Variants in SOX17 observed in about 807,000 individuals in gnomAD.
SOX17 encodes transcription factor SOX-17.
SOX17 carries 4 observed loss-of-function variants against 16.0 expected under a neutral mutation model. The ratio of observed to expected loss-of-function variants is 0.25; its 90% CI spans 0.12 to 0.57. The LOEUF is 0.57. SOX17 is among the 20% of genes least tolerant of loss of function. SOX17 has a pLI of 0.92. For missense variants in SOX17, 633 were observed against 609.7 expected (o/e 1.04, Z -0.40); for synonymous variants, 357 against 284.6 (o/e 1.25, Z -2.56).
At chr8:54,458,552 G>C in intron 1 of SOX17, 107 bp downstream of exon 1, 2 of 1,382,910 alleles carry the variant, frequency 1.4e-6, no homozygotes, top group Non-Finnish European at 2.0e-6. Flanking sequence ...CCAAAACCAG[G>C]GGTGTGTAGC....
Position 54,460,136 on chromosome 8 carries a change from G to T in SOX17, c.*141G>T, listed in dbSNP as rs1804718789. On this transcript the variant is annotated 3_prime_UTR_variant, in exon 2 of 2. Coordinates refer to ENST00000297316, the MANE Select transcript of SOX17 (RefSeq NM_022454.4). ...AAGGTGTGTTGGCATATAATTTATG[G>T]TAATTTATTTTGTCTGCCACTTGAA... 4 of 872,330 alleles carry T rather than the reference G, an allele frequency of 4.6e-6. No individual in the cohort carries two copies. The Admixed American group carries it at 8.8e-5, about 19-fold the overall frequency. 54.0% of individuals were successfully genotyped at this position (872,330 alleles called of 1,614,324 possible).
rs1053708301 is a variant in SOX17, at chr8:54,458,258, G to C, written c.120G>C (p.Gly40=). Reference sequence around the variant, plus strand: ...GGGCCGAGTCGCTGAGCCCCATCGGGGACATGAAGGTGAAGGGCGAGGCGC... The same window carrying C: ...GGGCCGAGTCGCTGAGCCCCATCGGCGACATGAAGGTGAAGGGCGAGGCGC... ...CPWAESLSPI[G]DMKVKGEAPA... Residue 40 remains glycine, a synonymous_variant, in exon 1 of 2, where the codon GGG becomes GGC. Transcript: ENST00000297316. 2 of 1,605,832 alleles carry C rather than the reference G, an allele frequency of 1.2e-6. No homozygotes were observed. The highest frequency in any genetic ancestry group is 2.7e-5 in the African/African-American group (2 of 74,850).
At chr8:54,458,956 G>C in intron 1 of SOX17, 102 bp from the exon 2 acceptor site, 2 of 1,114,998 alleles carry the variant, frequency 1.8e-6, no homozygotes, top group Non-Finnish European at 1.2e-6. Context: ...GCAATTCAAA[G>C]TCTGAGGGGG....
At position 54,458,426 on chromosome 8, in the gene SOX17, C is replaced by G. The variant is rs762206851; in HGVS notation, c.288C>G (p.Ala96=). 2 of 1,612,804 alleles carry G rather than the reference C, an allele frequency of 1.2e-6. No individual in the cohort carries two copies. Among genetic ancestry groups the G allele is most frequent in the Admixed American group, 3.3e-5 (2 of 60,032 alleles). Reference sequence around the variant, plus strand: ...AGCAGAATCCAGACCTGCACAACGCCGAGTTGAGCAAGATGCTGGGTGAGT... The same window carrying G: ...AGCAGAATCCAGACCTGCACAACGCGGAGTTGAGCAAGATGCTGGGTGAGT... ...LAQQNPDLHN[A]ELSKMLGKSW... Residue 96 remains alanine, a synonymous_variant, in exon 1 of 2, where the codon GCC becomes GCG. Transcript: ENST00000297316.
chr8:54,459,220 A>G lies in SOX17; in HGVS notation c.470A>G (p.His157Arg), dbSNP rs2129278139. Reference sequence around the variant, plus strand: ...AAGCGGGTGGAGGGCGGCTTCCTGCACGGCCTGGCTGAGCCGCAGGCGGCC... The same window carrying G: ...AAGCGGGTGGAGGGCGGCTTCCTGCGCGGCCTGGCTGAGCCGCAGGCGGCC... ...RLKRVEGGFL[H>R]GLAEPQAAAL... The change falls in exon 2 of 2, where the codon CAC becomes CGC. Residue 157 changes from histidine (H) to arginine (R), a missense_variant. By Grantham distance (29) the His-to-Arg change is conservative. Coordinates refer to ENST00000297316, the MANE Select transcript of SOX17 (RefSeq NM_022454.4). 1 of 1,558,182 alleles carries G rather than the reference A, an allele frequency of 6.4e-7. No homozygotes were observed. Among genetic ancestry groups the G allele is most frequent in the East Asian group, 2.5e-5 (1 of 40,574 alleles).
intron 1 of SOX17, 109 bp downstream of exon 1, chr8:54,458,554 G>T (rs1804675101): frequency 7.5e-7 from 1 of 1,333,484 alleles, no homozygotes. Flanking sequence ...AAAACCAGGG[G>T]TGTGTAGCGG....
rs1056128511 is a variant in SOX17, at chr8:54,459,655, C to T, written c.905C>T (p.Ser302Leu). 2 of 1,536,638 alleles carry T rather than the reference C, an allele frequency of 1.3e-6. No homozygotes were observed. The highest frequency in any genetic ancestry group is 8.7e-7 in the Non-Finnish European group (1 of 1,146,048). Residue 302 changes from serine to leucine, a missense_variant, in exon 2 of 2, where the codon TCG (serine) becomes TTG (leucine). Coordinates refer to ENST00000297316, the MANE Select transcript of SOX17 (RefSeq NM_022454.4). The part of the protein sequence containing the change: ...ALHVYYGAMG[S>L]PGAGGGRGFQ... ...CACGTGTACTACGGCGCGATGGGCTCGCCCGGGGCGGGCGGCGGGCGCGGC... is the reference window on the plus strand; with the variant it reads ...CACGTGTACTACGGCGCGATGGGCTTGCCCGGGGCGGGCGGCGGGCGCGGC...
In SOX17 at chr8:54,459,566, C is replaced by T. The variant is rs1418438958; in HGVS notation, c.816C>T (p.Pro272=). ...AGCCTCCCGCCGGTCCCATGCACCCCCGACTCGGCCCAGAGCCCGCGGGTC... is the reference window on the plus strand; with the variant it reads ...AGCCTCCCGCCGGTCCCATGCACCCTCGACTCGGCCCAGAGCCCGCGGGTC... ...PPEPPAGPMH[P]RLGPEPAGPS... Residue 272 remains proline (P), a synonymous_variant, in exon 2 of 2, where the codon CCC becomes CCT. Transcript: ENST00000297316. 26 of 1,536,390 alleles carry T rather than the reference C, an allele frequency of 1.7e-5. No individual in the cohort carries two copies. The highest frequency in any genetic ancestry group is 4.1e-5 in the African/African-American group (3 of 72,764).
Position 54,459,656 on chromosome 8 carries a change from G to T in SOX17, c.906G>T (p.Ser302=), listed in dbSNP as rs1458710798. The T allele has an allele frequency of 3.3e-6, 5 of 1,536,658 alleles. No individual in the cohort carries two copies. The highest frequency in any genetic ancestry group is 2.6e-6 in the Non-Finnish European group (3 of 1,145,996). Residue 302 remains serine (S), a synonymous_variant, in exon 2 of 2, where the codon TCG becomes TCT. Transcript: ENST00000297316. ...ACGTGTACTACGGCGCGATGGGCTC[G>T]CCCGGGGCGGGCGGCGGGCGCGGCT... ...ALHVYYGAMG[S]PGAGGGRGFQ...
At chr8:54,458,515 C>T (rs1460621739) in intron 1 of SOX17, 70 bp downstream of exon 1, 2 of 1,566,812 alleles carry the variant, frequency 1.3e-6, no homozygotes, top group Non-Finnish European at 1.7e-6. Flanking sequence ...TTCTTAAACC[C>T]CAAACTGTTC....
At position 54,460,317 on chromosome 8, in the gene SOX17, ATGT is replaced by A. The variant is rs1401284178; in HGVS notation, c.*326_*328del. The A allele has an allele frequency of 2.2e-6, 1 of 450,176 alleles. No homozygotes were observed. The highest frequency in any genetic ancestry group is 2.0e-5 in the African/African-American group (1 of 51,222). The allele number at this position is 450,176 out of a possible 1,614,324, so 27.9% of individuals were successfully genotyped here. ...TCCTGAAAGTTTATTGATCAAAGAA[ATGT>A]TGTCCTGGGTGTGTTTTTTCAATCT... On this transcript the variant is annotated 3_prime_UTR_variant, in exon 2 of 2. Coordinates refer to ENST00000297316, the MANE Select transcript of SOX17 (RefSeq NM_022454.4).
Position 54,459,816 on chromosome 8 carries a change from G to A in SOX17, c.1066G>A (p.Gly356Arg). 6.2e-7 allele frequency: 1 copy of A among 1,612,506 alleles called. No individual in the cohort carries two copies. Among genetic ancestry groups the A allele is most frequent in the South Asian group, 1.1e-5 (1 of 90,906 alleles). Residue 356 changes from glycine to arginine, a missense_variant, in exon 2 of 2, where the codon GGG becomes AGG. This residue lies in a region of SOX17 where 479 missense variants were observed against 397.2 expected (regional missense o/e 1.21). Transcript: ENST00000297316. ...TDPSQPAELL[G>R]EVDRTEFEQY... ...CCCCAGTCAGCCCGCCGAGCTCCTCGGGGAGGTGGACCGCACGGAATTTGA... is the reference window on the plus strand; with the variant it reads ...CCCCAGTCAGCCCGCCGAGCTCCTCAGGGAGGTGGACCGCACGGAATTTGA...
In SOX17 at chr8:54,459,728, C is replaced by A. The variant is rs575311838; in HGVS notation, c.978C>A (p.His326Gln). The change falls in exon 2 of 2, where the codon CAC (histidine) becomes CAA (glutamine). Residue 326 changes from histidine to glutamine, a missense_variant. His to Gln is a conservative substitution (Grantham distance 24). Coordinates refer to ENST00000297316, the MANE Select transcript of SOX17 (RefSeq NM_022454.4). ...AGCACCAGCACCAGCACCAGCACCA[C>A]CCCCCGGGCCCCGGACAGCCGTCGC... ...QHQHQHQHQHHPPGPGQPSPP... is the reference protein window; with the variant it reads ...QHQHQHQHQHQPPGPGQPSPP... The A allele has an allele frequency of 6.5e-6, 10 of 1,545,764 alleles. No individual in the cohort carries two copies. The East Asian group carries it at 1.9e-4, about 30-fold the overall frequency.
In SOX17 at chr8:54,459,319, C is replaced by T; in HGVS notation, c.569C>T (p.Ala190Val). The T allele has an allele frequency of 1.3e-6, 2 of 1,528,012 alleles. No homozygotes were observed. The highest frequency in any genetic ancestry group is 1.7e-6 in the Non-Finnish European group (2 of 1,146,878). The allele number at this position is 1,528,012 out of a possible 1,614,324, so 94.7% of individuals were successfully genotyped here. ...GLQFPEQGFP[A>V]GPPLLPPHMG... ...CAGTTCCCCGAGCAGGGCTTCCCCG[C>T]CGGCCCGCCGCTGCTGCCTCCGCAC... Residue 190 changes from alanine to valine, a missense_variant, in exon 2 of 2, where the codon GCC becomes GTC. Ala to Val is a moderately conservative substitution (Grantham distance 64, BLOSUM62 0). This residue lies in a region of SOX17 where 479 missense variants were observed against 397.2 expected (regional missense o/e 1.21). Transcript: ENST00000297316.
rs1251333923 is a variant in SOX17, at chr8:54,460,106, T to G, written c.*111T>G. 7 of 1,147,436 alleles carry G rather than the reference T, an allele frequency of 6.1e-6. No homozygotes were observed. The highest frequency in any genetic ancestry group is 9.1e-6 in the Non-Finnish European group (7 of 771,490). The allele number at this position is 1,147,436 out of a possible 1,614,324, so 71.1% of individuals were successfully genotyped here. ...GTTTTTGTTGTTGCTGTTGTTGTTTTTTAAAAGGTGTGTTGGCATATAATT... is the reference window on the plus strand; with the variant it reads ...GTTTTTGTTGTTGCTGTTGTTGTTTGTTAAAAGGTGTGTTGGCATATAATT... On this transcript the variant is annotated 3_prime_UTR_variant, in exon 2 of 2. Coordinates refer to ENST00000297316, the MANE Select transcript of SOX17 (RefSeq NM_022454.4).
In SOX17 at chr8:54,459,474, C is replaced by T. The variant is rs1335499345; in HGVS notation, c.724C>T (p.Pro242Ser). Residue 242 changes from proline (P) to serine (S), a missense_variant, in exon 2 of 2, where the codon CCC (proline) becomes TCC (serine). Pro to Ser is a moderately conservative substitution (Grantham distance 74). This residue lies in a region of SOX17 where 479 missense variants were observed against 397.2 expected (regional missense o/e 1.21). Coordinates refer to ENST00000297316, the MANE Select transcript of SOX17 (RefSeq NM_022454.4). ...PDPAFFAAPM[P>S]GDCPAAGTYS... ...CCCGGCTTTCTTCGCCGCCCCGATG[C>T]CCGGGGACTGCCCGGCGGCCGGCAC... 16 of 1,524,544 alleles carry T rather than the reference C, an allele frequency of 1.0e-5. No individual in the cohort carries two copies. Among genetic ancestry groups the T allele is most frequent in the Non-Finnish European group, 1.3e-5 (15 of 1,142,660 alleles). The allele number at this position is 1,524,544 out of a possible 1,614,324, so 94.4% of individuals were successfully genotyped here.
chr8:54,458,482 C>T, intron 1 of SOX17, 37 bp downstream of exon 1: 1 of 1,610,794 alleles, frequency 6.2e-7, no homozygotes, highest in Non-Finnish European at 8.5e-7. Context: ...GCCGGGCGCG[C>T]TGGCGCGAAT....
rs756723008 is a variant in SOX17, at chr8:54,459,660, G to A, written c.910G>A (p.Gly304Arg). 6.5e-7 allele frequency: 1 copy of A among 1,536,540 alleles called. No individual in the cohort carries two copies. Among genetic ancestry groups the A allele is most frequent in the South Asian group, 1.2e-5 (1 of 83,952 alleles). The change falls in exon 2 of 2, where the codon GGG becomes AGG. Residue 304 changes from glycine to arginine, a missense_variant. Gly to Arg is a moderately radical substitution (Grantham distance 125). Around this residue, in one of 5 missense-constraint regions of SOX17, gnomAD observed 479 missense variants for 397.2 expected, o/e 1.21. Coordinates refer to ENST00000297316, the MANE Select transcript of SOX17 (RefSeq NM_022454.4). Reference sequence around the variant, plus strand: ...GTACTACGGCGCGATGGGCTCGCCCGGGGCGGGCGGCGGGCGCGGCTTCCA... The same window carrying A: ...GTACTACGGCGCGATGGGCTCGCCCAGGGCGGGCGGCGGGCGCGGCTTCCA... ...HVYYGAMGSP[G>R]AGGGRGFQMQ... is the part of the protein sequence containing the mutation.
chr8:54,458,970 G>A, intron 1 of SOX17, 88 bp from the exon 2 acceptor site: 2 of 1,212,886 alleles, frequency 1.6e-6, no homozygotes, highest in Non-Finnish European at 2.2e-6. Flanking sequence ...GAGGGGGGAG[G>A]TGCGTCCAGG....
Sources: gnomAD v4.1 joint callset for allele counts on GRCh38, gnomAD v4.1.1 for gene constraint, gnomAD v4.1.1 regional missense constraint, MANE v1.5 for transcripts, NCBI Gene and HGNC (gene_info 2026-07-23, HGNC 2026-07-21) for gene names.